Variants in LPP observed in about 807,000 individuals in gnomAD.
LPP encodes the protein lipoma-preferred partner.
Under a neutral mutation model 60.4 loss-of-function variants are expected in LPP, and 38 were observed. The ratio of observed to expected loss-of-function variants is 0.63; its 90% CI spans 0.49 to 0.83. The LOEUF (loss-of-function observed/expected upper bound fraction) is 0.83. Ranked by LOEUF, LPP falls within the 40% of genes least tolerant of loss-of-function variation. The pLI is 0.00. For missense variants in LPP, 902 were observed against 783.6 expected, an observed-to-expected ratio of 1.15 and a Z score of -1.80; for synonymous variants, 328 against 290.8, an observed-to-expected ratio of 1.13 and a Z score of -1.30.
intron 3 of LPP, among the ~76,000 whole-genome samples, chr3:188,373,015 T>C (rs1251907372): frequency 7.6e-6 from 1 of 131,524 alleles, no homozygotes; most frequent in Non-Finnish European, 1.6e-5. Context: ...GCTTCATCCA[T>C]GTCCCTACAA....
intron 9 of LPP, among the ~76,000 whole-genome samples, chr3:188,842,276 A>G (rs141688064): frequency 1.1e-4 from 17 of 152,326 alleles, no homozygotes; most frequent in African/African-American, 2.4e-4. Context: ...CTGATGAGCA[A>G]TGATGTTAAG....
intron 6 of LPP, among the ~76,000 whole-genome samples, chr3:188,537,970 G>A (rs1824095513): frequency 6.6e-6 from 1 of 152,234 alleles, no homozygotes; most frequent in East Asian, 1.9e-4. Flanking sequence ...TTTCAACAGG[G>A]TGTTGTGACG....
rs142575482 is a variant in LPP at position 188,369,608 on chromosome 3, A to G, written c.-10+27889A>G. Among the ~76,000 whole-genome samples the G allele has an allele frequency of 4.4e-4, 67 of 152,320 alleles. 1 individual carries two copies. Among genetic ancestry groups the G allele is most frequent in the African/African-American group, 1.6e-3 (65 of 41,584 alleles). On this transcript the variant is annotated intron_variant, in intron 3 of 11. Coordinates refer to ENST00000617246, the MANE Select transcript of LPP (RefSeq NM_001375462.1). ...GTGTAAGGCATTGTTATTATCAATAATAATAGCAACCACACACTGCTGCCT... is the reference window on the plus strand; with the variant it reads ...GTGTAAGGCATTGTTATTATCAATAGTAATAGCAACCACACACTGCTGCCT...
intron 1 of LPP, among the ~76,000 whole-genome samples, chr3:188,210,948 G>T (rs921608652): frequency 2.6e-5 from 4 of 152,154 alleles, no homozygotes; most frequent in Non-Finnish European, 5.9e-5. Context: ...GTTCTGGCAT[G>T]CAGTGGAAGG....
chr3:188,586,965 G>A (rs1391999005), intron 6 of LPP, among the ~76,000 whole-genome samples: 10 of 152,078 alleles, frequency 6.6e-5, no homozygotes, highest in Non-Finnish European at 1.3e-4. Context: ...ACCTGACCTC[G>A]TGATCCTCCC....
At chr3:188,207,382 C>A (rs1231908742) in intron 1 of LPP, among the ~76,000 whole-genome samples, 1 of 151,896 alleles carries the variant, frequency 6.6e-6, no homozygotes, top group Middle Eastern at 3.2e-3. Flanking sequence ...CAGGCACACA[C>A]CACCACGCCT....
At chr3:188,668,610 T>C (rs775163570) in intron 7 of LPP, among the ~76,000 whole-genome samples, 6 of 152,220 alleles carry the variant, frequency 3.9e-5, no homozygotes, top group Admixed American at 2.6e-4. Context: ...AGATTGAAAG[T>C]TAGATCCTCA....
chr3:188,414,458 A>G (rs1435545939), intron 4 of LPP, among the ~76,000 whole-genome samples: 4 of 152,142 alleles, frequency 2.6e-5, no homozygotes, highest in Non-Finnish European at 5.9e-5. Flanking sequence ...GATGTTTTGT[A>G]TATGCGATAC....
At chr3:188,439,202 G>A (rs958334324) in intron 4 of LPP, among the ~76,000 whole-genome samples, 1 of 152,078 alleles carries the variant, frequency 6.6e-6, no homozygotes, top group African/African-American at 2.4e-5. Context: ...TGTGGTAATT[G>A]GTGTTTCCTG....
intron 1 of LPP, among the ~76,000 whole-genome samples, chr3:188,204,419 A>T (rs1330078120): frequency 3.9e-5 from 6 of 152,132 alleles, no homozygotes; most frequent in Admixed American, 1.3e-4. Context: ...GCAGTAACTC[A>T]GGAGGGCAAC....
At chr3:188,868,663 G>A (rs1460122920) in intron 10 of LPP, among the ~76,000 whole-genome samples, 1 of 152,178 alleles carries the variant, frequency 6.6e-6, no homozygotes. Context: ...GCAGCTAAAA[G>A]TCCAGCATAG....
intron 3 of LPP, among the ~76,000 whole-genome samples, chr3:188,378,106 G>A (rs374748255): frequency 2.7e-4 from 41 of 152,306 alleles, no homozygotes; most frequent in East Asian, 1.5e-3. Context: ...TGAGGTGTCC[G>A]TCTGCCCCTA....
chr3:188,240,090 C>T (rs576194597), intron 2 of LPP: 2 of 196,352 alleles, frequency 1.0e-5, no homozygotes, highest in African/African-American at 2.3e-5. Flanking sequence ...GTTCATGGAG[C>T]TGGCAGATGG....
At chr3:188,783,866 T>TG (rs1740646670) in intron 9 of LPP, among the ~76,000 whole-genome samples, 1 of 129,202 alleles carries the variant, frequency 7.7e-6, no homozygotes, top group African/African-American at 3.0e-5. Flanking sequence ...CCTAACTTGA[T>TG]ATCTCATTCT....
intron 4 of LPP, among the ~76,000 whole-genome samples, chr3:188,475,981 C>T (rs867671239): frequency 3.9e-5 from 6 of 152,256 alleles, no homozygotes; most frequent in Middle Eastern, 3.4e-3. Flanking sequence ...TACTTACTCC[C>T]TTACTAGATT....
At chr3:188,635,715 T>C (rs1226775581) in intron 7 of LPP, among the ~76,000 whole-genome samples, 1 of 152,164 alleles carries the variant, frequency 6.6e-6, no homozygotes, top group African/African-American at 2.4e-5. Context: ...TGTGGGAGAA[T>C]GATATGTTCT....
intron 9 of LPP, among the ~76,000 whole-genome samples, chr3:188,806,385 T>C (rs956945304): frequency 6.6e-6 from 1 of 151,910 alleles, no homozygotes; most frequent in Non-Finnish European, 1.5e-5. Flanking sequence ...TTAATTTAAC[T>C]TTCTTTTATT....
chr3:188,422,567 T>G (rs893129407), intron 4 of LPP, among the ~76,000 whole-genome samples: 3 of 152,242 alleles, frequency 2.0e-5, no homozygotes, highest in African/African-American at 7.2e-5. Context: ...TTGGGAGAGA[T>G]GAGATTGTGA....
chr3:188,462,776 T>G (rs1169332080), intron 4 of LPP, among the ~76,000 whole-genome samples: 1 of 151,736 alleles, frequency 6.6e-6, no homozygotes, highest in Admixed American at 6.6e-5. Flanking sequence ...CATTGATTTT[T>G]AAATAATTTA....
Sources: allele counts gnomAD v4.1 joint callset (sites outside exome capture counted in the v4.1 genomes callset), GRCh38; gene constraint gnomAD v4.1.1; transcripts MANE v1.5; gene names NCBI Gene and HGNC (gene_info 2026-07-23, HGNC 2026-07-21).